The following SNX29 variants were observed in gnomAD, a reference collection of about 807,000 sequenced individuals.
The protein encoded by SNX29 is sorting nexin-29.
Under a neutral mutation model 102.1 loss-of-function variants are expected in SNX29, and 78 were observed. That is an observed-to-expected ratio of 0.76 (90% CI 0.64 to 0.92). SNX29 has a LOEUF of 0.92. Ranked by LOEUF, SNX29 falls within the 40% of genes least tolerant of loss-of-function variation. The pLI is 0.00. For missense variants in SNX29, 1,280 were observed against 1,061.7 expected (o/e 1.21, Z -2.86); for synonymous variants, 580 against 414.5 (o/e 1.40, Z -4.85).
At chr16:12,128,722 G>T (rs2054328085) in intron 12 of SNX29, among the ~76,000 whole-genome samples, 1 of 152,150 alleles carries the variant, frequency 6.6e-6, no homozygotes. Context: ...CTAAGTGCTG[G>T]ATTACAGGCG....
At chr16:12,565,455 C>T (rs565229452) in intron 20 of SNX29, among the ~76,000 whole-genome samples, 11 of 152,274 alleles carry the variant, frequency 7.2e-5, no homozygotes, top group South Asian at 4.1e-4. Context: ...CCCTCCTCAT[C>T]CTGGGTTCTC....
At position 12,501,715 on chromosome 16, in the gene SNX29, A is replaced by G. The variant is rs138239353; in HGVS notation, c.2179-22987A>G. Among the ~76,000 whole-genome samples the G allele has an allele frequency of 9.9e-3, 1,226 of 123,538 alleles. 28 individuals are homozygous for G. The highest frequency in any genetic ancestry group is 0.037 in the African/African-American group (1,168 of 31,574). The allele number at this position is 123,538 out of a possible 152,430, so 81.0% of individuals were successfully genotyped here. Reference sequence around the variant, plus strand: ...ACTCCAGCCTGGGTGGCAGAGCAAGACACTGTCTCAAAAAAAAAAAAAAAA... The same window carrying G: ...ACTCCAGCCTGGGTGGCAGAGCAAGGCACTGTCTCAAAAAAAAAAAAAAAA... On this transcript the variant is annotated intron_variant, in intron 19 of 20. Transcript: ENST00000566228.
intron 18 of SNX29, among the ~76,000 whole-genome samples, chr16:12,456,646 G>T (rs2086552788): frequency 6.6e-6 from 1 of 152,066 alleles, no homozygotes; most frequent in Non-Finnish European, 1.5e-5. Flanking sequence ...GTGCATGTGT[G>T]CCTGAAGGGA....
At position 12,570,772 on chromosome 16, in the gene SNX29, T is replaced by C. The variant is rs142907959; in HGVS notation, c.*2143T>C. The C allele has an allele frequency of 8.2e-4, 109 of 132,568 alleles. 1 individual carries two copies. The highest frequency in any genetic ancestry group is 7.3e-3 in the African/African-American group (97 of 13,206). 8.2% of individuals were successfully genotyped at this position (132,568 alleles called of 1,614,324 possible). A position where few individuals can be genotyped will look rare whatever the true frequency, so the allele number is the denominator to read the frequency against. ...AGCACCTTGGACATTCTGCACATGA[T>C]AATAATGCAACAGTCCCCCATTGCT... On this transcript the variant is annotated 3_prime_UTR_variant, in exon 21 of 21. Transcript: ENST00000566228.
At chr16:12,331,855 A>G (rs527459936) in intron 15 of SNX29, among the ~76,000 whole-genome samples, 50 of 152,242 alleles carry the variant, frequency 3.3e-4, no homozygotes, top group African/African-American at 8.7e-4. Flanking sequence ...CCTGGCCAGA[A>G]TATTGTTTTA....
chr16:12,503,327 G>A (rs1045246379), intron 19 of SNX29, among the ~76,000 whole-genome samples: 17 of 152,216 alleles, frequency 1.1e-4, no homozygotes, highest in African/African-American at 3.1e-4. Context: ...TTTTTAAGCA[G>A]CTGCTCCAGG....
At chr16:12,553,248 T>G (rs1234080523) in intron 20 of SNX29, among the ~76,000 whole-genome samples, 1 of 152,104 alleles carries the variant, frequency 6.6e-6, no homozygotes, top group East Asian at 1.9e-4. Context: ...CAGAGAGAGA[T>G]TGTACAAGAC....
At chr16:12,099,683 A>C (rs1377011991) in intron 11 of SNX29, among the ~76,000 whole-genome samples, 1 of 152,126 alleles carries the variant, frequency 6.6e-6, no homozygotes, top group Non-Finnish European at 1.5e-5. Flanking sequence ...TCCCACCAGC[A>C]TCTGGGAGGA....
intron 20 of SNX29, among the ~76,000 whole-genome samples, chr16:12,559,614 T>G (rs778547320): frequency 6.6e-6 from 1 of 152,148 alleles, no homozygotes; most frequent in Non-Finnish European, 1.5e-5. Flanking sequence ...TGCTGCCACG[T>G]GACCTTGCAC....
At chr16:12,271,169 T>G (rs1276885409) in intron 14 of SNX29, among the ~76,000 whole-genome samples, 1 of 152,266 alleles carries the variant, frequency 6.6e-6, no homozygotes, top group Non-Finnish European at 1.5e-5. Flanking sequence ...AACAAACATT[T>G]ACAATCTTTG....
chr16:12,153,758 G>C (rs115081644), intron 13 of SNX29, among the ~76,000 whole-genome samples: 1,836 of 152,164 alleles, frequency 0.012, 39 homozygotes, highest in African/African-American at 0.042. Flanking sequence ...GATTATGGGA[G>C]TGAACCACTG....
At chr16:12,456,506 CGTGTGTGT>C (rs3072479) in intron 18 of SNX29, among the ~76,000 whole-genome samples, 2 of 148,842 alleles carry the variant, frequency 1.3e-5, no homozygotes, top group East Asian at 2.0e-4. Flanking sequence ...CATGTGTGCA[CGTGTGTGT>C]GTGTGTGTGT....
At chr16:12,537,895 G>C (rs943185258) in intron 20 of SNX29, among the ~76,000 whole-genome samples, 1 of 151,382 alleles carries the variant, frequency 6.6e-6, no homozygotes, top group Non-Finnish European at 1.5e-5. Flanking sequence ...TAAGGCAGGA[G>C]AGTCACTGGA....
At chr16:12,374,531 A>C (rs867196417) in intron 16 of SNX29, 10 of 152,322 alleles carry the variant, frequency 6.6e-5, no homozygotes, top group African/African-American at 2.4e-4. Flanking sequence ...GGTGTTGAAT[A>C]ATATGGGCTC....
intron 15 of SNX29, among the ~76,000 whole-genome samples, chr16:12,300,247 G>A (rs1469486113): frequency 6.6e-6 from 1 of 152,122 alleles, no homozygotes; most frequent in East Asian, 1.9e-4. Context: ...GTTTTAATTT[G>A]CATTTCTCTA....
intron 18 of SNX29, among the ~76,000 whole-genome samples, chr16:12,422,213 G>A (rs980462144): frequency 6.6e-6 from 1 of 152,230 alleles, no homozygotes; most frequent in Non-Finnish European, 1.5e-5. Context: ...CTCAATGGCT[G>A]TGTGACCTTG....
intron 4 of SNX29, among the ~76,000 whole-genome samples, chr16:12,037,113 C>A (rs763122171): frequency 6.6e-6 from 1 of 151,996 alleles, no homozygotes; most frequent in African/African-American, 2.4e-5. Context: ...ACTTCTAGAA[C>A]GGGGTCGGCA....
At chr16:12,176,905 AT>A (rs2076272937) in intron 13 of SNX29, among the ~76,000 whole-genome samples, 3 of 151,152 alleles carry the variant, frequency 2.0e-5, no homozygotes, top group Admixed American at 2.0e-4. Context: ...GTGGGGGAAA[AT>A]TTGCAGGTCC....
intron 6 of SNX29, among the ~76,000 whole-genome samples, chr16:12,047,699 C>T (rs977284071): frequency 1.3e-5 from 2 of 148,838 alleles, no homozygotes; most frequent in Non-Finnish European, 3.0e-5. Flanking sequence ...CTCTCGTTGC[C>T]CAGGCTGGAG....
Sources: allele counts gnomAD v4.1 joint callset (sites outside exome capture counted in the v4.1 genomes callset), GRCh38; gene constraint gnomAD v4.1.1; transcripts MANE v1.5; gene names NCBI Gene and HGNC (gene_info 2026-07-23, HGNC 2026-07-21).